Variants in MRNIP observed in about 807,000 individuals in gnomAD.
MRNIP encodes MRN complex interacting protein.
A neutral mutation model predicts 29.8 loss-of-function variants in MRNIP; 30 were observed. The ratio of observed to expected loss-of-function variants is 1.01; its 90% CI spans 0.75 to 1.36. The LOEUF is 1.36. Among genes scored for constraint, MRNIP ranks in the 40% most tolerant of loss-of-function variants. The pLI is 0.00. For synonymous variants in MRNIP, 201 were observed against 164.1 expected, an observed-to-expected ratio of 1.23 and a Z score of -1.72; for missense variants, 459 against 423.5, an observed-to-expected ratio of 1.08 and a Z score of -0.74.
intron 3 of MRNIP, among the ~76,000 whole-genome samples, chr5:179,845,515 C>T (rs1013907335): frequency 6.6e-6 from 1 of 150,926 alleles, no homozygotes; most frequent in African/African-American, 2.4e-5. Context: ...TTTTTAAAGA[C>T]AGAGTCTCAC....
rs1758621367 is a variant in MRNIP at position 179,837,295 on chromosome 5, T to C, written c.*96A>G. 3.7e-6 allele frequency: 6 copies of C among 1,606,744 alleles called. No homozygotes were observed. The highest frequency in any genetic ancestry group is 4.2e-6 in the Non-Finnish European group (5 of 1,177,144). On this transcript the variant is annotated 3_prime_UTR_variant, in exon 7 of 7. Coordinates refer to ENST00000292586, the MANE Select transcript of MRNIP (RefSeq NM_016175.4). ...GAGAAATGATTGACAGTAAGTTTAT[T>C]GTTAATGGTTCTTACAGAGTATCTT...
In MRNIP at chr5:179,837,571, C is replaced by G; in HGVS notation, c.852G>C (p.Gln284His). The G allele has an allele frequency of 6.2e-7, 1 of 1,614,242 alleles. No homozygotes were observed. Among genetic ancestry groups the G allele is most frequent in the Non-Finnish European group, 8.5e-7 (1 of 1,180,040 alleles). ...TGACGGGGTGTGTGGCCCGAGGAAG[C>G]TGGACAGCGGCAGTGGGCCTGCTGA... ...EGLSRPTAAV[Q>H]LPRATHPVTS... Residue 284 changes from glutamine to histidine, a missense_variant, in exon 7 of 7, where the codon CAG becomes CAC. Transcript: ENST00000292586.
At chr5:179,846,959 G>A (rs1759160259) in intron 3 of MRNIP, 1 of 152,112 alleles carries the variant, frequency 6.6e-6, no homozygotes, top group South Asian at 2.1e-4. Flanking sequence ...TCGAAATGGA[G>A]GCTCCAGAGC....
Position 179,837,777 on chromosome 5 carries a change from A to G in MRNIP, c.646T>C (p.Trp216Arg), listed in dbSNP as rs1231650002. 5 of 1,614,106 alleles carry G rather than the reference A, an allele frequency of 3.1e-6. No individual in the cohort carries two copies. In the African/African-American group the frequency reaches 5.3e-5, roughly 17 times the overall value. ...GCTGTAACCTGCTGGATGGGACTCCATAGCTCCTTCCCAGGACCCCTCAGC... is the reference window on the plus strand; with the variant it reads ...GCTGTAACCTGCTGGATGGGACTCCGTAGCTCCTTCCCAGGACCCCTCAGC... ...GELRGPGKEL[W>R]SPIQQVTATS... The change falls in exon 7 of 7, where the codon TGG (tryptophan) becomes CGG (arginine). Residue 216 changes from tryptophan to arginine, a missense_variant. Physicochemically the swap from Trp to Arg is moderately radical, Grantham distance 101. Transcript: ENST00000292586.
At chr5:179,857,392 C>T (rs1033588313) in intron 1 of MRNIP, among the ~76,000 whole-genome samples, 17 of 151,804 alleles carry the variant, frequency 1.1e-4, no homozygotes, top group African/African-American at 4.1e-4. Context: ...ACCCAGGAGG[C>T]GGAGGTTGCA....
chr5:179,843,041 A>AGAAGGAAGGAAG (rs575675053), intron 4 of MRNIP, among the ~76,000 whole-genome samples: 2,028 of 106,208 alleles, frequency 0.019, 26 homozygotes, highest in Non-Finnish European at 0.025. Flanking sequence ...AAAGGAGGAA[A>AGAAGGAAGGAAG]GAAGGAAGGA....
chr5:179,844,700 A>G (rs1759058939), intron 3 of MRNIP, among the ~76,000 whole-genome samples: 1 of 152,168 alleles, frequency 6.6e-6, no homozygotes. Flanking sequence ...TGCTGGGATT[A>G]CAAGCGTGAA....
chr5:179,851,101 T>C, intron 2 of MRNIP: 1 of 407,998 alleles, frequency 2.5e-6, no homozygotes, highest in Admixed American at 2.7e-5. Flanking sequence ...GGTGTGTTTG[T>C]TACTGTGGCC....
chr5:179,856,547 G>A (rs1759588585), intron 1 of MRNIP, among the ~76,000 whole-genome samples: 1 of 152,190 alleles, frequency 6.6e-6, no homozygotes. Context: ...ACGGCTCACT[G>A]CAACCTCTAC....
At chr5:179,849,064 G>C (rs1482512634) in intron 2 of MRNIP, among the ~76,000 whole-genome samples, 1 of 145,580 alleles carries the variant, frequency 6.9e-6, no homozygotes, top group Non-Finnish European at 1.5e-5. Context: ...GAATTTGAGA[G>C]TACGGGTCCT....
intron 5 of MRNIP, chr5:179,841,240 T>A: frequency 2.3e-6 from 1 of 430,806 alleles, no homozygotes; most frequent in Non-Finnish European, 4.2e-6. Context: ...GCTCAGGTGA[T>A]CCTCCTGCCT....
chr5:179,838,217 G>A (rs886136178), intron 6 of MRNIP: 18 of 360,584 alleles, frequency 5.0e-5, no homozygotes, highest in Admixed American at 1.7e-4. Flanking sequence ...TCGAGACATC[G>A]GGAAAGGGGT....
At chr5:179,854,813 AT>A (rs1229993350) in intron 1 of MRNIP, among the ~76,000 whole-genome samples, 5 of 152,204 alleles carry the variant, frequency 3.3e-5, no homozygotes, top group Non-Finnish European at 7.3e-5. Flanking sequence ...ATTCCGTAAC[AT>A]TTATTTTCAA....
intron 1 of MRNIP, among the ~76,000 whole-genome samples, chr5:179,855,151 T>G (rs1374777573): frequency 6.6e-6 from 1 of 152,152 alleles, no homozygotes. Context: ...AATTTTAATT[T>G]TAATTTTTTT....
chr5:179,854,740 A>T (rs1239262335), intron 1 of MRNIP, among the ~76,000 whole-genome samples: 1 of 152,174 alleles, frequency 6.6e-6, no homozygotes, highest in Non-Finnish European at 1.5e-5. Flanking sequence ...GTAAGACTCA[A>T]ATTGAAGCTG....
chr5:179,841,079 G>A, intron 5 of MRNIP, 120 bp from the exon 6 acceptor site: 1 of 662,404 alleles, frequency 1.5e-6, no homozygotes, highest in Admixed American at 2.5e-5. Context: ...CGGCTTCCCA[G>A]GCAGCTGCTC....
In MRNIP at chr5:179,837,353, A is replaced by AACAAGTGTATCTCG. The variant is rs770438256; in HGVS notation, c.*24_*37dup. On this transcript the variant is annotated 3_prime_UTR_variant, in exon 7 of 7. Transcript: ENST00000292586. Reference sequence around the variant, plus strand: ...GCCTTAGGGGAACCCTGTCCCTCCTAACAAGTGTATCTCGATTAATAACCT... The same window carrying AACAAGTGTATCTCG: ...GCCTTAGGGGAACCCTGTCCCTCCTAACAAGTGTATCTCGACAAGTGTATCTCGATTAATAACCT... 7.6e-5 allele frequency: 121 copies of AACAAGTGTATCTCG among 1,583,026 alleles called. 1 individual carries two copies. The highest frequency in any genetic ancestry group is 1.8e-4 in the Admixed American group (10 of 56,412).
Position 179,844,245 on chromosome 5 carries a change from C to A in MRNIP, c.216-18G>T. 6.2e-7 allele frequency: 1 copy of A among 1,607,624 alleles called. No individual in the cohort carries two copies. Among genetic ancestry groups the A allele is most frequent in the Non-Finnish European group, 8.5e-7 (1 of 1,174,264 alleles). On this transcript the variant is annotated intron_variant, in intron 3 of 6. Coordinates refer to ENST00000292586, the MANE Select transcript of MRNIP (RefSeq NM_016175.4). ...CTAGAGACCTTCAGGGAAGACCATA[C>A]ATATGCCCTTTGAAAAATGACCAGG...
At chr5:179,853,640 C>T (rs1159611411) in intron 1 of MRNIP, among the ~76,000 whole-genome samples, 5 of 151,792 alleles carry the variant, frequency 3.3e-5, no homozygotes, top group South Asian at 2.1e-4. Flanking sequence ...GGCATGGTGG[C>T]GGGCACCTGT....
Sources: allele counts gnomAD v4.1 joint callset (sites outside exome capture counted in the v4.1 genomes callset), GRCh38; gene constraint gnomAD v4.1.1; transcripts MANE v1.5; gene names NCBI Gene and HGNC (gene_info 2026-07-23, HGNC 2026-07-21).